Variants in ABHD18 observed in about 807,000 individuals in gnomAD.
ABHD18 encodes abhydrolase domain containing 18, also known as cardiolipin-specific deacylase, mitochondrial.
A neutral mutation model predicts 65.9 loss-of-function variants in ABHD18; 55 were observed. That is an observed-to-expected ratio of 0.84 (90% CI 0.67 to 1.05). The LOEUF is 1.05. Among genes scored for constraint, ABHD18 ranks in the 50% least tolerant of loss-of-function variants. The pLI, the probability that ABHD18 is intolerant of heterozygous loss-of-function variation, is 0.00. For synonymous variants in ABHD18, 181 were observed against 180.2 expected, an observed-to-expected ratio of 1.00 and a Z score of -0.04; for missense variants, 533 against 558.5, an observed-to-expected ratio of 0.95 and a Z score of 0.46.
At chr4:128,001,539 T>C (rs1752628619) in intron 4 of ABHD18, among the ~76,000 whole-genome samples, 1 of 152,216 alleles carries the variant, frequency 6.6e-6, no homozygotes, top group Non-Finnish European at 1.5e-5. Flanking sequence ...TTATAGCTTC[T>C]GATACTTTTT....
At chr4:127,974,683 G>T (rs1383761107) in intron 1 of ABHD18, among the ~76,000 whole-genome samples, 2 of 151,692 alleles carry the variant, frequency 1.3e-5, no homozygotes, top group African/African-American at 4.8e-5. Context: ...GTTCTGTTCT[G>T]AGATAAATAG....
intron 4 of ABHD18, among the ~76,000 whole-genome samples, chr4:128,007,345 A>G (rs1258701692): frequency 6.6e-6 from 1 of 151,740 alleles, no homozygotes; most frequent in Non-Finnish European, 1.5e-5. Flanking sequence ...AAAAAAAAAA[A>G]AAAGGTTAAA....
At chr4:128,022,194 G>A (rs1002651974) in intron 10 of ABHD18, among the ~76,000 whole-genome samples, 15 of 152,134 alleles carry the variant, frequency 9.9e-5, no homozygotes, top group African/African-American at 3.4e-4. Context: ...AAACCTGCAC[G>A]TTGTGCACAT....
intron 12 of ABHD18, among the ~76,000 whole-genome samples, chr4:128,035,137 CAATA>C (rs1281144225): frequency 2.0e-5 from 3 of 152,124 alleles, no homozygotes; most frequent in Non-Finnish European, 2.9e-5. Context: ...AGCGATAAGA[CAATA>C]AATCAGTTCC....
chr4:127,979,208 G>A (rs1374590933), intron 1 of ABHD18, among the ~76,000 whole-genome samples: 1 of 152,176 alleles, frequency 6.6e-6, no homozygotes, highest in Non-Finnish European at 1.5e-5. Context: ...TTATAAACAA[G>A]AGGAGGAATA....
Position 127,974,209 on chromosome 4 carries a change from T to G in ABHD18, c.-18+8603T>G, listed in dbSNP as rs562322700. Among the ~76,000 whole-genome samples, 789 of 145,938 alleles carry G rather than the reference T, an allele frequency of 5.4e-3. 14 individuals are homozygous for G. The highest frequency in any genetic ancestry group is 0.019 in the African/African-American group (746 of 39,346). ...TTCTGTTTTTTTTTTTTTTTTTTTT[T>G]TTTTTTGAGACAGAGTCTTACTCTG... On this transcript the variant is annotated intron_variant, in intron 1 of 12. Coordinates refer to ENST00000645843, the MANE Select transcript of ABHD18 (RefSeq NM_001358451.3).
chr4:128,024,722 T>C (rs1321006329), intron 10 of ABHD18, among the ~76,000 whole-genome samples: 2 of 152,112 alleles, frequency 1.3e-5, no homozygotes, highest in Admixed American at 1.3e-4. Flanking sequence ...AGATGGAGTT[T>C]CACTCTTTTG....
At chr4:128,015,989 G>C (rs914761388) in intron 7 of ABHD18, among the ~76,000 whole-genome samples, 13 of 131,328 alleles carry the variant, frequency 9.9e-5, no homozygotes, top group Non-Finnish European at 2.0e-4. Context: ...GCCTCACTCT[G>C]TCACCCAGGC....
chr4:127,984,399 C>G lies in ABHD18; in HGVS notation c.153C>G (p.Ser51Arg), dbSNP rs201269910. 5 of 1,548,436 alleles carry G rather than the reference C, an allele frequency of 3.2e-6. No individual in the cohort carries two copies. In the South Asian group the frequency reaches 3.6e-5, roughly 11 times the overall value. ...NRERCQNLVS[S>R]DYPVHIDKIE... ...AAAGATGCCAGAATCTGGTTTCAAG[C>G]GATTATCCAGTACACATTGATAAGG... Residue 51 changes from serine (S) to arginine (R), a missense_variant, in exon 3 of 13, where the codon AGC (serine) becomes AGG (arginine). Around this residue, in one of 3 missense-constraint regions of ABHD18, gnomAD observed 309 missense variants for 313.5 expected, o/e 0.99. Transcript: ENST00000645843.
intron 10 of ABHD18, among the ~76,000 whole-genome samples, chr4:128,025,235 G>T (rs1388320957): frequency 1.3e-5 from 2 of 151,780 alleles, no homozygotes; most frequent in African/African-American, 2.4e-5. Flanking sequence ...GTAGGGTCTG[G>T]CTCTGTCACC....
At chr4:128,005,220 T>G (rs1055293983) in intron 4 of ABHD18, among the ~76,000 whole-genome samples, 7 of 152,128 alleles carry the variant, frequency 4.6e-5, no homozygotes, top group African/African-American at 1.7e-4. Context: ...CCAGTGAGAC[T>G]CTGTCTCAAA....
chr4:128,005,059 C>A (rs1023928320), intron 4 of ABHD18, among the ~76,000 whole-genome samples: 6 of 152,082 alleles, frequency 3.9e-5, no homozygotes, highest in Admixed American at 6.6e-5. Flanking sequence ...CGAAACCTGT[C>A]GCTACTAAAA....
chr4:127,985,647 C>T (rs1021733855), intron 3 of ABHD18, among the ~76,000 whole-genome samples: 2 of 152,068 alleles, frequency 1.3e-5, no homozygotes, highest in South Asian at 4.2e-4. Context: ...CACTTTCCAC[C>T]ACCTAATTCC....
intron 12 of ABHD18, among the ~76,000 whole-genome samples, chr4:128,033,524 CTT>C (rs869099600): frequency 1.8e-3 from 195 of 108,606 alleles, no homozygotes; most frequent in African/African-American, 2.3e-3. Flanking sequence ...CAAAGATAGT[CTT>C]TTTTTTTTTT....
chr4:127,980,261 C>G (rs1298759934), intron 1 of ABHD18, among the ~76,000 whole-genome samples: 2 of 152,180 alleles, frequency 1.3e-5, no homozygotes, highest in Non-Finnish European at 2.9e-5. Flanking sequence ...CTCTATTGCT[C>G]TCTTATGTGA....
intron 4 of ABHD18, among the ~76,000 whole-genome samples, chr4:127,995,244 T>A (rs987799933): frequency 6.6e-6 from 1 of 152,256 alleles, no homozygotes; most frequent in East Asian, 1.9e-4. Flanking sequence ...GATATTTTAT[T>A]CCATTTATAG....
intron 10 of ABHD18, among the ~76,000 whole-genome samples, chr4:128,025,792 A>C (rs976781288): frequency 6.6e-6 from 1 of 152,140 alleles, no homozygotes; most frequent in African/African-American, 2.4e-5. Flanking sequence ...ATTTTTTGTC[A>C]ACTGGCACTG....
At chr4:128,034,170 G>A (rs1167374258) in intron 12 of ABHD18, among the ~76,000 whole-genome samples, 2 of 151,738 alleles carry the variant, frequency 1.3e-5, no homozygotes, top group African/African-American at 4.8e-5. Context: ...TGTTGGCCAG[G>A]CTGGTCTCGA....
intron 7 of ABHD18, among the ~76,000 whole-genome samples, chr4:128,014,872 G>T (rs1376505262): frequency 6.6e-6 from 1 of 152,122 alleles, no homozygotes; most frequent in Non-Finnish European, 1.5e-5. Flanking sequence ...GAGGTGAGGA[G>T]TTCGAGACCA....
Sources: gnomAD v4.1 joint callset for allele counts (sites outside exome capture counted in the v4.1 genomes callset) on GRCh38, gnomAD v4.1.1 for gene constraint, gnomAD v4.1.1 regional missense constraint, MANE v1.5 for transcripts, NCBI Gene and HGNC (gene_info 2026-07-23, HGNC 2026-07-21) for gene names.